Variants in NCAM1 observed in about 807,000 individuals in gnomAD.
NCAM1 encodes antigen recognized by monoclonal antibody 5.1H11.
Under a neutral mutation model 109.8 loss-of-function variants are expected in NCAM1, and 14 were observed. That is an observed-to-expected ratio of 0.13 (90% CI 0.08 to 0.20). The LOEUF is 0.20. NCAM1 is among the 10% of genes least tolerant of loss of function. The probability of loss-of-function intolerance (pLI) is 1.00; values close to 1 mark genes in which losing one functional copy is unlikely to be tolerated. For synonymous variants in NCAM1, 418 were observed against 442.9 expected, an observed-to-expected ratio of 0.94 and a Z score of 0.70; for missense variants, 774 against 1,109.9, an observed-to-expected ratio of 0.70 and a Z score of 4.30.
intron 1 of NCAM1, among the ~76,000 whole-genome samples, chr11:112,985,851 A>G (rs1177713809): frequency 6.6e-6 from 1 of 151,998 alleles, no homozygotes; most frequent in African/African-American, 2.4e-5. Flanking sequence ...ACCTGCAAAT[A>G]GTAACAGTTT....
intron 14 of NCAM1, chr11:113,243,630 G>A (rs782773721): frequency 1.9e-6 from 1 of 518,152 alleles, no homozygotes; most frequent in South Asian, 1.4e-5. Context: ...GATGTGTGTG[G>A]AGGACCTGAA....
chr11:112,986,276 A>G (rs1951302025), intron 1 of NCAM1, among the ~76,000 whole-genome samples: 1 of 151,886 alleles, frequency 6.6e-6, no homozygotes, highest in African/African-American at 2.4e-5. Flanking sequence ...GATTATGGTG[A>G]GTTATCCTTT....
intron 1 of NCAM1, among the ~76,000 whole-genome samples, chr11:113,034,193 C>A (rs1009360238): frequency 6.6e-6 from 1 of 152,154 alleles, no homozygotes; most frequent in African/African-American, 2.4e-5. Context: ...TGTCTGTTGT[C>A]CAGTCATGCG....
chr11:113,215,665 A>T (rs1555114284), intron 8 of NCAM1, among the ~76,000 whole-genome samples: 2 of 152,204 alleles, frequency 1.3e-5, no homozygotes, highest in Admixed American at 1.3e-4. Context: ...ATTTTTTGCA[A>T]CTTTTACCTG....
chr11:113,052,218 G>C (rs116133995), intron 1 of NCAM1, among the ~76,000 whole-genome samples: 1,528 of 152,246 alleles, frequency 0.01, 25 homozygotes, highest in African/African-American at 0.035. Context: ...ATTGCTGCAA[G>C]TCGAGTCAAT....
intron 17 of NCAM1, among the ~76,000 whole-genome samples, chr11:113,267,605 T>C (rs1326533314): frequency 6.6e-6 from 1 of 152,154 alleles, no homozygotes; most frequent in Non-Finnish European, 1.5e-5. Context: ...GTTCACGCCA[T>C]GAGGCCCAAC....
intron 1 of NCAM1, among the ~76,000 whole-genome samples, chr11:113,157,136 G>GACACACACACACACACACACACACACAC (rs112454729): frequency 6.8e-6 from 1 of 146,878 alleles, no homozygotes; most frequent in African/African-American, 2.5e-5. Context: ...GTTTCCCTGA[G>GACACACACACACACACACACACACACAC]ACACACACAC....
intron 1 of NCAM1, among the ~76,000 whole-genome samples, chr11:113,097,395 A>G (rs1236892792): frequency 6.6e-6 from 1 of 152,226 alleles, no homozygotes; most frequent in Non-Finnish European, 1.5e-5. Flanking sequence ...TAACAGAAAG[A>G]TGGTACCAAG....
chr11:113,248,812 G>C (rs1945575534), intron 15 of NCAM1, among the ~76,000 whole-genome samples: 1 of 152,162 alleles, frequency 6.6e-6, no homozygotes, highest in African/African-American at 2.4e-5. Flanking sequence ...ATGGTTACTT[G>C]GCTCCTGAGC....
chr11:113,214,751 C>G (rs1408365822), intron 8 of NCAM1, among the ~76,000 whole-genome samples: 1 of 152,078 alleles, frequency 6.6e-6, no homozygotes, highest in Non-Finnish European at 1.5e-5. Context: ...TGGGCATGCT[C>G]AAGTTAGATG....
At chr11:113,211,801 G>A (rs1944397955) in intron 7 of NCAM1, among the ~76,000 whole-genome samples, 1 of 152,202 alleles carries the variant, frequency 6.6e-6, no homozygotes, top group Non-Finnish European at 1.5e-5. Flanking sequence ...TCTTTGGCTA[G>A]GGTTGTAGGA....
chr11:113,248,717 G>A (rs1391799742), intron 15 of NCAM1, among the ~76,000 whole-genome samples: 1 of 152,190 alleles, frequency 6.6e-6, no homozygotes, highest in Non-Finnish European at 1.5e-5. Flanking sequence ...GTGGGACAGC[G>A]TTTACAGAAT....
chr11:113,005,825 A>G (rs919186209), intron 1 of NCAM1, among the ~76,000 whole-genome samples: 7 of 152,210 alleles, frequency 4.6e-5, no homozygotes, highest in Admixed American at 4.6e-4. Flanking sequence ...AATGTCTTTC[A>G]AGCACATTAA....
intron 1 of NCAM1, among the ~76,000 whole-genome samples, chr11:113,195,501 T>C (rs1943826752): frequency 7.0e-6 from 1 of 143,208 alleles, no homozygotes; most frequent in African/African-American, 2.6e-5. Context: ...GTAGATTTTT[T>C]TTTTTTTTTT....
At chr11:113,229,036 G>C (rs143591885) in intron 9 of NCAM1, among the ~76,000 whole-genome samples, 3 of 152,172 alleles carry the variant, frequency 2.0e-5, no homozygotes, top group African/African-American at 4.8e-5. Context: ...AGGACTTCAC[G>C]TCTAAAACAC....
chr11:113,231,758 C>T lies in NCAM1; in HGVS notation c.1203C>T (p.Ile401=), dbSNP rs782542999. The T allele has an allele frequency of 8.7e-6, 14 of 1,613,850 alleles. No individual in the cohort carries two copies. The Admixed American group carries it at 1.0e-4, about 12-fold the overall frequency. Residue 401 remains isoleucine, a synonymous_variant, in exon 10 of 20, where the codon ATC becomes ATT. Transcript: ENST00000316851. ...ACATCTGCACCGCCAGCAACACCAT[C>T]GGCCAGGACTCCCAGTCCATGTACC... is the stretch of plus-strand genomic sequence containing the variant. The part of the protein sequence containing the change: ...GEYICTASNT[I]GQDSQSMYLE...
chr11:113,026,893 TGTGGCAGACCTGGACTCAG>T (rs1296286770), intron 1 of NCAM1, among the ~76,000 whole-genome samples: 1 of 152,230 alleles, frequency 6.6e-6, no homozygotes, highest in African/African-American at 2.4e-5. Flanking sequence ...ATATTTAGTA[TGTGGCAGACCTGGACTCAG>T]ACCCAGTTCC....
chr11:113,065,533 T>A (rs557428236), intron 1 of NCAM1, among the ~76,000 whole-genome samples: 8 of 152,188 alleles, frequency 5.3e-5, no homozygotes, highest in Admixed American at 1.3e-4. Context: ...AGACTTGAGA[T>A]GATGCAATGA....
intron 1 of NCAM1, among the ~76,000 whole-genome samples, chr11:113,079,351 G>A (rs116005000): frequency 1.1e-3 from 161 of 152,186 alleles, no homozygotes; most frequent in African/African-American, 3.6e-3. Context: ...GCCTCAAACC[G>A]GGGATCCAGC....
Sources: gnomAD v4.1 joint callset for allele counts (sites outside exome capture counted in the v4.1 genomes callset) on GRCh38, gnomAD v4.1.1 for gene constraint, MANE v1.5 for transcripts, NCBI Gene and HGNC (gene_info 2026-07-23, HGNC 2026-07-21) for gene names.